PIEZO2: variants seen among roughly 807,000 people sequenced by gnomAD.
The protein encoded by PIEZO2 is piezo type mechanosensitive ion channel component 2, also known as piezo-type mechanosensitive ion channel component 2.
Under a neutral mutation model 337.3 loss-of-function variants are expected in PIEZO2, and 172 were observed. The observed-to-expected ratio is 0.51, with a 90% CI of 0.45 to 0.58. The LOEUF is 0.58. PIEZO2 is among the 20% of genes least tolerant of loss of function. PIEZO2 has a pLI of 0.00. For synonymous variants in PIEZO2, 1,251 were observed against 1,228.5 expected (o/e 1.02, Z -0.38); for missense variants, 3,028 against 3,391.3 (o/e 0.89, Z 2.66).
At chr18:11,061,024 C>A (rs989714211) in intron 2 of PIEZO2, among the ~76,000 whole-genome samples, 3 of 152,128 alleles carry the variant, frequency 2.0e-5, no homozygotes, top group Non-Finnish European at 4.4e-5. Context: ...ACTAGCAAAC[C>A]GAATCCAGCA....
At chr18:10,720,961 G>A (rs575761003) in intron 36 of PIEZO2, among the ~76,000 whole-genome samples, 1 of 152,280 alleles carries the variant, frequency 6.6e-6, no homozygotes, top group East Asian at 1.9e-4. Flanking sequence ...TCTTCATGGA[G>A]CATTCCCTGA....
chr18:10,892,281 A>G (rs1255671559), intron 4 of PIEZO2, among the ~76,000 whole-genome samples: 1 of 152,204 alleles, frequency 6.6e-6, no homozygotes, highest in Non-Finnish European at 1.5e-5. Context: ...TTATTTATAA[A>G]TAAAAATTAA....
At chr18:10,789,600 T>C (rs187397977) in intron 14 of PIEZO2, among the ~76,000 whole-genome samples, 9 of 152,374 alleles carry the variant, frequency 5.9e-5, no homozygotes, top group Admixed American at 5.9e-4. Context: ...CACTAATTTA[T>C]ATACAAGATC....
At chr18:10,809,959 G>C (rs923872508) in intron 7 of PIEZO2, among the ~76,000 whole-genome samples, 1 of 152,134 alleles carries the variant, frequency 6.6e-6, no homozygotes, top group Non-Finnish European at 1.5e-5. Flanking sequence ...CACAATTACA[G>C]AGCAGCACAT....
intron 4 of PIEZO2, among the ~76,000 whole-genome samples, chr18:10,887,479 C>A (rs1199234671): frequency 6.6e-6 from 1 of 152,080 alleles, no homozygotes; most frequent in African/African-American, 2.4e-5. Context: ...CCAGGCTCCA[C>A]CTCCAGCATT....
chr18:10,979,757 C>A lies in PIEZO2; in HGVS notation c.161-97G>T. The A allele has an allele frequency of 9.0e-7, 1 of 1,112,204 alleles. No homozygotes were observed. The highest frequency in any genetic ancestry group is 3.2e-5 in the South Asian group (1 of 31,504). The allele number at this position is 1,112,204 out of a possible 1,614,324, so 68.9% of individuals were successfully genotyped here. A position where few individuals can be genotyped will look rare whatever the true frequency, so the allele number is the denominator to read the frequency against. ...ATTTCTGTATAACCTATTAGATAGA[C>A]CGACTCAAAAGTATATGGAATGTAA... is the stretch of plus-strand genomic sequence containing the variant. On this transcript the variant is annotated intron_variant, in intron 2 of 55. Transcript: ENST00000674853. The surrounding 1 kb of genome is among the most constrained non-coding windows in gnomAD (Gnocchi z 4.0).
At chr18:11,040,838 T>C (rs1165361261) in intron 2 of PIEZO2, among the ~76,000 whole-genome samples, 4 of 152,196 alleles carry the variant, frequency 2.6e-5, no homozygotes, top group Non-Finnish European at 4.4e-5. Context: ...CTGAAAAACA[T>C]TCTTACTTTT....
Position 11,125,488 on chromosome 18 carries a change from G to T in PIEZO2, c.64+23037C>A, listed in dbSNP as rs1337172561. On this transcript the variant is annotated intron_variant, in intron 1 of 55. Transcript: ENST00000674853. The surrounding 1 kb of genome is among the most constrained non-coding windows in gnomAD (Gnocchi z 4.4). ...CCTCTGTTTAGCTGACAAAACACGT[G>T]TTTAGTGCTAAGAGTCCAGCACACT... Among the ~76,000 whole-genome samples the T allele has an allele frequency of 6.6e-6, 1 of 152,182 alleles. No homozygotes were observed. The highest frequency in any genetic ancestry group is 2.4e-5 in the African/African-American group (1 of 41,448).
intron 2 of PIEZO2, among the ~76,000 whole-genome samples, chr18:11,023,009 C>T (rs1434893543): frequency 6.6e-6 from 1 of 151,812 alleles, no homozygotes; most frequent in African/African-American, 2.4e-5. Context: ...TGGAGTTGTT[C>T]ATTCCTCCCA....
intron 1 of PIEZO2, among the ~76,000 whole-genome samples, chr18:11,087,041 T>C (rs966917068): frequency 2.0e-5 from 3 of 152,158 alleles, no homozygotes; most frequent in African/African-American, 7.2e-5. Flanking sequence ...TGGGAGGTGA[T>C]GAGGTCATAC....
At chr18:11,073,980 G>C (rs1197284344) in intron 1 of PIEZO2, among the ~76,000 whole-genome samples, 3 of 151,682 alleles carry the variant, frequency 2.0e-5, no homozygotes, top group African/African-American at 4.8e-5. Flanking sequence ...CTGAGTAGCT[G>C]GGACAACAGG....
intron 4 of PIEZO2, chr18:10,908,420 C>T (rs1293987088): frequency 1.3e-5 from 2 of 152,152 alleles, no homozygotes; most frequent in Non-Finnish European, 2.9e-5. Flanking sequence ...AGATCGATAG[C>T]TTTTAAGACT....
rs2040741774 is a variant in PIEZO2, at chr18:11,143,957, G to A, written c.64+4568C>T. Among the ~76,000 whole-genome samples the A allele has an allele frequency of 6.6e-6, 1 of 152,166 alleles. No homozygotes were observed. The highest frequency in any genetic ancestry group is 1.9e-4 in the East Asian group (1 of 5,196). On this transcript the variant is annotated intron_variant, in intron 1 of 55. Coordinates refer to ENST00000674853, the MANE Select transcript of PIEZO2 (RefSeq NM_001378183.1). The surrounding 1 kb of genome is among the most constrained non-coding windows in gnomAD (Gnocchi z 4.9). ...GCGAAACAAAACCATAATAGAATAT[G>A]TTATTTACCATTTTACAGAAAGAAA...
intron 2 of PIEZO2, among the ~76,000 whole-genome samples, chr18:11,060,921 C>G (rs995376220): frequency 6.6e-6 from 1 of 152,206 alleles, no homozygotes; most frequent in Admixed American, 6.5e-5. Flanking sequence ...CCAGCATCAT[C>G]CTGATACTAA....
At chr18:10,986,337 C>T (rs1451888806) in intron 2 of PIEZO2, among the ~76,000 whole-genome samples, 1 of 151,950 alleles carries the variant, frequency 6.6e-6, no homozygotes, top group East Asian at 1.9e-4. Flanking sequence ...CAGTCCTCAA[C>T]AATATACTAG....
At position 10,906,910 on chromosome 18, in the gene PIEZO2, C is replaced by T. The variant is rs543674480; in HGVS notation, c.329+4276G>A. 2.3e-4 allele frequency among the ~76,000 whole-genome samples: 35 copies of T among 152,076 alleles called. 1 individual carries two copies. In the South Asian group the frequency reaches 7.1e-3, roughly 31 times the overall value. Reference sequence around the variant, plus strand: ...TTTGTCGCCTTCCTGAGCCCATGGCCGTGTGGTGCCTGAGTACTGTGAGAT... The same window carrying T: ...TTTGTCGCCTTCCTGAGCCCATGGCTGTGTGGTGCCTGAGTACTGTGAGAT... On this transcript the variant is annotated intron_variant, in intron 4 of 55. Coordinates refer to ENST00000674853, the MANE Select transcript of PIEZO2 (RefSeq NM_001378183.1).
At chr18:10,970,154 G>C (rs1018580178) in intron 3 of PIEZO2, among the ~76,000 whole-genome samples, 2 of 152,198 alleles carry the variant, frequency 1.3e-5, no homozygotes, top group African/African-American at 4.8e-5. Flanking sequence ...CCCTCTACCT[G>C]GGGGTATTAA....
chr18:10,971,124 G>T (rs574974401), intron 3 of PIEZO2, among the ~76,000 whole-genome samples: 1 of 152,258 alleles, frequency 6.6e-6, no homozygotes, highest in African/African-American at 2.4e-5. Context: ...TGACCAACAA[G>T]CTTGGCAAAC....
chr18:10,913,203 TCAGA>T (rs771002966), intron 3 of PIEZO2, among the ~76,000 whole-genome samples: 4 of 152,212 alleles, frequency 2.6e-5, no homozygotes, highest in African/African-American at 7.2e-5. Context: ...TGTGTAATTC[TCAGA>T]CAATTATCCT....
Sources: allele counts gnomAD v4.1 joint callset (sites outside exome capture counted in the v4.1 genomes callset), GRCh38; gene constraint gnomAD v4.1.1; non-coding constraint Gnocchi (gnomAD v3.1); transcripts MANE v1.5; gene names NCBI Gene and HGNC (gene_info 2026-07-23, HGNC 2026-07-21).